SLC22A23: variants seen among roughly 807,000 people sequenced by gnomAD.
The protein encoded by SLC22A23 is ion transporter protein.
A neutral mutation model predicts 61.0 loss-of-function variants in SLC22A23; 26 were observed. The observed-to-expected ratio is 0.43, with a 90% confidence interval of 0.31 to 0.59. The LOEUF is 0.59. Ranked by LOEUF, SLC22A23 falls within the 20% of genes least tolerant of loss-of-function variation. The probability of loss-of-function intolerance (pLI) is 0.11; values close to 1 mark genes in which losing one functional copy is unlikely to be tolerated. For missense variants in SLC22A23, 796 were observed against 934.7 expected, an observed-to-expected ratio of 0.85 and a Z score of 1.94; for synonymous variants, 430 against 413.9, an observed-to-expected ratio of 1.04 and a Z score of -0.47.
intron 3 of SLC22A23, among the ~76,000 whole-genome samples, chr6:3,334,013 A>C (rs11968806): frequency 0.25 from 37,583 of 152,212 alleles, 5,959 homozygotes; most frequent in African/African-American, 0.44. Flanking sequence ...CTGAACACTG[A>C]AGAGTTTTAT....
Position 3,456,142 on chromosome 6 carries a change from C to A in SLC22A23, c.418G>T (p.Val140Phe), listed in dbSNP as rs1199052824. ...TCCCCGCCCCGGCCTGTGGTGGTGA[C>A]CCCTGCCAGCTCGGTGCCTTTGCCG... Reference protein sequence around the residue: ...GAGKGTELAGVTTTGRGGDMG... With the variant: ...GAGKGTELAGFTTTGRGGDMG... The change falls in exon 1 of 10, where the codon GTC becomes TTC. Residue 140 changes from valine (V) to phenylalanine (F), a missense_variant. Val to Phe is a conservative substitution (Grantham distance 50). Transcript: ENST00000406686. This position sits in a 1 kb window ranked among gnomAD's most constrained non-coding sequence, Gnocchi z 7.1. 2 of 1,551,036 alleles carry A rather than the reference C, an allele frequency of 1.3e-6. No homozygotes were observed. Among genetic ancestry groups the A allele is most frequent in the African/African-American group, 1.4e-5 (1 of 73,008 alleles).
In SLC22A23 at chr6:3,270,033, A is replaced by C. The variant is rs1383172658; in HGVS notation, c.*3022T>G. 6.6e-6 allele frequency: 1 copy of C among 152,536 alleles called. No individual in the cohort carries two copies. Among genetic ancestry groups the C allele is most frequent in the Non-Finnish European group, 1.5e-5 (1 of 68,046 alleles). The allele number at this position is 152,536 out of a possible 1,614,324, so 9.4% of individuals were successfully genotyped here. On this transcript the variant is annotated 3_prime_UTR_variant, in exon 10 of 10. Transcript: ENST00000406686. The stretch of plus-strand genomic sequence containing the variant: ...TTCCTGTTTCTCTTGGGTGGTAATA[A>C]TTTTAGGGCATTTGATAAGAGTTTG...
intron 9 of SLC22A23, among the ~76,000 whole-genome samples, chr6:3,281,692 C>T (rs1759487684): frequency 1.3e-5 from 2 of 152,092 alleles, no homozygotes; most frequent in Non-Finnish European, 2.9e-5. Flanking sequence ...CATCCTAGGG[C>T]CTCCGTGGGA....
intron 6 of SLC22A23, 87 bp downstream of exon 6, chr6:3,289,677 T>G (rs1581619972): frequency 9.5e-7 from 1 of 1,053,772 alleles, no homozygotes; most frequent in Admixed American, 2.1e-5. Context: ...TTCAGCGGGG[T>G]GGGGAGCAGG....
At chr6:3,298,261 G>T in intron 4 of SLC22A23, 43 bp from the exon 5 acceptor site, 1 of 1,564,454 alleles carries the variant, frequency 6.4e-7, no homozygotes, top group South Asian at 1.2e-5. Context: ...TTCCGATTCT[G>T]CACGGCACCG....
chr6:3,444,716 T>C (rs1028798374), intron 1 of SLC22A23: 2 of 849,378 alleles, frequency 2.4e-6, no homozygotes, highest in African/African-American at 1.8e-5. Flanking sequence ...TGACCTGTTT[T>C]GTTTTCAGGT....
rs917838305 is a variant in SLC22A23 at position 3,285,015 on chromosome 6, G to A, written c.1579+64C>T. On this transcript the variant is annotated intron_variant, in intron 8 of 9. Transcript: ENST00000406686. Reference sequence around the variant, plus strand: ...GGAAACCACAGGTCCGTGAGTCTTCGAGAAAACACCCATTTAGATGTAATA... The same window carrying A: ...GGAAACCACAGGTCCGTGAGTCTTCAAGAAAACACCCATTTAGATGTAATA... 3.2e-5 allele frequency: 51 copies of A among 1,591,944 alleles called. No homozygotes were observed. The African/African-American group carries it at 5.0e-4, about 16-fold the overall frequency.
intron 8 of SLC22A23, chr6:3,284,870 G>A: frequency 6.5e-7 from 1 of 1,527,674 alleles, no homozygotes; most frequent in Non-Finnish European, 8.8e-7. Flanking sequence ...ACACAAACAG[G>A]GAAGCACCAG....
rs2127278853 is a variant in SLC22A23 at position 3,273,149 on chromosome 6, G to C, written c.1967C>G (p.Ala656Gly). 1.2e-6 allele frequency: 2 copies of C among 1,611,460 alleles called. No individual in the cohort carries two copies. The highest frequency in any genetic ancestry group is 2.2e-5 in the East Asian group (1 of 44,866). ...GAGGCCCGAGTAGTCCTTGAGCTCG[G>C]CGTTGGTGAGCAGCAGTGGCTGCTC... ...KGEQPLLLTN[A>G]ELKDYSGLHD... The change falls in exon 10 of 10, where the codon GCC (alanine) becomes GGC (glycine). Residue 656 changes from alanine (A) to glycine (G), a missense_variant. Physicochemically the swap from Ala to Gly is moderately conservative, Grantham distance 60 (BLOSUM62 0). Coordinates refer to ENST00000406686, the MANE Select transcript of SLC22A23 (RefSeq NM_015482.2).
intron 3 of SLC22A23, among the ~76,000 whole-genome samples, chr6:3,368,500 T>C (rs1037660921): frequency 1.3e-5 from 2 of 152,218 alleles, no homozygotes; most frequent in Non-Finnish European, 2.9e-5. Context: ...AAAATATTCA[T>C]AAGATTCAGA....
chr6:3,293,653 G>A (rs1760820968), intron 5 of SLC22A23, among the ~76,000 whole-genome samples: 1 of 152,236 alleles, frequency 6.6e-6, no homozygotes, highest in Non-Finnish European at 1.5e-5. Context: ...CGTGGCGGTC[G>A]CCTGTGGAGT....
chr6:3,444,378 C>T (rs1771771856), intron 1 of SLC22A23, among the ~76,000 whole-genome samples: 1 of 152,222 alleles, frequency 6.6e-6, no homozygotes, highest in Non-Finnish European at 1.5e-5. Context: ...GGAAGGGGCC[C>T]CAGCCCTTTC....
chr6:3,397,337 C>T (rs1312057106), intron 3 of SLC22A23, among the ~76,000 whole-genome samples: 1 of 152,222 alleles, frequency 6.6e-6, no homozygotes, highest in East Asian at 1.9e-4. Flanking sequence ...ACAGTCCCCA[C>T]ATGACAATTC....
chr6:3,426,324 G>A (rs768233093), intron 1 of SLC22A23, among the ~76,000 whole-genome samples: 9 of 152,164 alleles, frequency 5.9e-5, no homozygotes, highest in East Asian at 1.9e-4. Flanking sequence ...CCAGACTGCC[G>A]TGGAAAATGT....
chr6:3,280,397 C>T (rs1452010351), intron 9 of SLC22A23, among the ~76,000 whole-genome samples: 3 of 152,144 alleles, frequency 2.0e-5, no homozygotes, highest in African/African-American at 4.8e-5. Context: ...GCTCATCGCT[C>T]GCACGCCACA....
intron 1 of SLC22A23, among the ~76,000 whole-genome samples, chr6:3,447,985 C>T (rs1771991860): frequency 6.7e-6 from 1 of 148,938 alleles, no homozygotes; most frequent in Non-Finnish European, 1.5e-5. Context: ...TCACTGCAAC[C>T]TCTGCCTCCT....
In SLC22A23 at chr6:3,317,323, A is replaced by C. The variant is rs1194000411; in HGVS notation, c.1082+6511T>G. On this transcript the variant is annotated intron_variant, in intron 4 of 9. Transcript: ENST00000406686. The surrounding 1 kb of genome is among the most constrained non-coding windows in gnomAD (Gnocchi z 4.4). ...TGTCATTAAGCCATGTGCCCAGTGC[A>C]GGCTGTGGCCACCTGGAAGGGGCAC... Among the ~76,000 whole-genome samples, 2 of 152,186 alleles carry C rather than the reference A, an allele frequency of 1.3e-5. No individual in the cohort carries two copies. Among genetic ancestry groups the C allele is most frequent in the Non-Finnish European group, 2.9e-5 (2 of 68,022 alleles).
In SLC22A23 at chr6:3,271,287, C is replaced by T. The variant is rs1758459226; in HGVS notation, c.*1768G>A. ...GGCAGGGAGAGGCTGGCCAGACAGCCTCCCTTCCTGGGTATCTCAAGATCC... is the reference window on the plus strand; with the variant it reads ...GGCAGGGAGAGGCTGGCCAGACAGCTTCCCTTCCTGGGTATCTCAAGATCC... On this transcript the variant is annotated 3_prime_UTR_variant, in exon 10 of 10. Coordinates refer to ENST00000406686, the MANE Select transcript of SLC22A23 (RefSeq NM_015482.2). 6.6e-6 allele frequency: 1 copy of T among 152,280 alleles called. No individual in the cohort carries two copies. The allele number at this position is 152,280 out of a possible 1,614,324, so 9.4% of individuals were successfully genotyped here.
At chr6:3,417,310 C>T (rs1311248195) in intron 1 of SLC22A23, among the ~76,000 whole-genome samples, 1 of 152,086 alleles carries the variant, frequency 6.6e-6, no homozygotes, top group East Asian at 1.9e-4. Context: ...CTTTTTCTAC[C>T]CCATCTGCTT....
Sources: allele counts gnomAD v4.1 joint callset (sites outside exome capture counted in the v4.1 genomes callset), GRCh38; gene constraint gnomAD v4.1.1; non-coding constraint Gnocchi (gnomAD v3.1); transcripts MANE v1.5; gene names NCBI Gene and HGNC (gene_info 2026-07-23, HGNC 2026-07-21).